The following DIS3L variants were observed in gnomAD, a reference collection of about 807,000 sequenced individuals.
DIS3L encodes DIS3-like exonuclease 1.
A neutral mutation model predicts 120.3 loss-of-function variants in DIS3L; 100 were observed. The observed-to-expected ratio is 0.83, with a 90% CI of 0.71 to 0.98. The LOEUF (loss-of-function observed/expected upper bound fraction) is 0.98, where lower values mean the gene tolerates loss of function less well. DIS3L is among the 50% of genes least tolerant of loss of function. The probability of loss-of-function intolerance (pLI) is 0.00; values close to 1 mark genes in which losing one functional copy is unlikely to be tolerated. For synonymous variants in DIS3L, 426 were observed against 470.6 expected (o/e 0.91, Z 1.23); for missense variants, 1,196 against 1,314.2 (o/e 0.91, Z 1.39).
chr15:66,305,073 T>C (rs1218957342), intron 2 of DIS3L, among the ~76,000 whole-genome samples: 1 of 140,578 alleles, frequency 7.1e-6, no homozygotes, highest in African/African-American at 2.7e-5. Context: ...TGATCTCGGC[T>C]CACTGCAAGC....
chr15:66,293,533 T>A (rs139096215), upstream of DIS3L: 5,223 of 1,329,002 alleles, frequency 3.9e-3, 177 homozygotes, highest in African/African-American at 0.071. Flanking sequence ...GAGGGGCGGG[T>A]CCGAGGCCGC....
Position 66,333,383 on chromosome 15 carries a change from T to G in DIS3L, c.*71T>G. 6.9e-7 allele frequency: 1 copy of G among 1,458,170 alleles called. No individual in the cohort carries two copies. The highest frequency in any genetic ancestry group is 9.3e-7 in the Non-Finnish European group (1 of 1,079,906). 90.3% of individuals were successfully genotyped at this position (1,458,170 alleles called of 1,614,324 possible). ...GTCTTTTCAAACTTAACATTTAATGTGTGTCACTCAGTGCTCTAGTCGATC... is the reference window on the plus strand; with the variant it reads ...GTCTTTTCAAACTTAACATTTAATGGGTGTCACTCAGTGCTCTAGTCGATC... On this transcript the variant is annotated 3_prime_UTR_variant, in exon 17 of 17. Coordinates refer to ENST00000319212, the MANE Select transcript of DIS3L (RefSeq NM_001143688.3).
At chr15:66,314,897 G>A (rs1008579850) in intron 6 of DIS3L, 139 bp from the exon 7 acceptor site, 4 of 866,976 alleles carry the variant, frequency 4.6e-6, no homozygotes, top group African/African-American at 3.4e-5. Flanking sequence ...CAGAACAAAA[G>A]TTTGACTCTA....
At chr15:66,298,878 C>T (rs970884007) in intron 2 of DIS3L, among the ~76,000 whole-genome samples, 11 of 152,158 alleles carry the variant, frequency 7.2e-5, no homozygotes, top group Non-Finnish European at 8.8e-5. Flanking sequence ...GGTACAGTGG[C>T]GAACCAAAGC....
In DIS3L at chr15:66,318,444, C is replaced by G; in HGVS notation, c.995-5C>G. ...AATGCCTTGTTTTGTTTTGTTTTGC[C>G]AAAGGTCGAGTGGTGGGCATACTTC... On this transcript the variant is annotated splice_region_variant and splice_polypyrimidine_tract_variant and intron_variant, in intron 7 of 16. Transcript: ENST00000319212. 6.2e-7 allele frequency: 1 copy of G among 1,611,468 alleles called. No homozygotes were observed. Among genetic ancestry groups the G allele is most frequent in the African/African-American group, 1.3e-5 (1 of 74,840 alleles).
intron 2 of DIS3L, among the ~76,000 whole-genome samples, chr15:66,304,029 G>T (rs1020517613): frequency 2.2e-4 from 30 of 138,612 alleles, no homozygotes; most frequent in African/African-American, 7.8e-4. Flanking sequence ...GGTGGAGCTT[G>T]CAGTGAGCCG....
chr15:66,299,660 G>C (rs1255216362), intron 2 of DIS3L, among the ~76,000 whole-genome samples: 1 of 152,094 alleles, frequency 6.6e-6, no homozygotes, highest in African/African-American at 2.4e-5. Flanking sequence ...TAGAGATAGA[G>C]AGAAATAGAT....
rs1296450230 is a variant in DIS3L, at chr15:66,293,693, T to A, written c.97T>A (p.Cys33Ser). 1.4e-6 allele frequency: 2 copies of A among 1,384,298 alleles called. No individual in the cohort carries two copies. The highest frequency in any genetic ancestry group is 1.9e-6 in the Non-Finnish European group (2 of 1,062,802). The allele number at this position is 1,384,298 out of a possible 1,614,324, so 85.8% of individuals were successfully genotyped here. A position where few individuals can be genotyped will look rare whatever the true frequency, so the allele number is the denominator to read the frequency against. The change falls in exon 1 of 17, where the codon TGC becomes AGC. Residue 33 changes from cysteine (C) to serine (S), a missense_variant. By Grantham distance (112) the Cys-to-Ser change is moderately radical (BLOSUM62 -1). Transcript: ENST00000319212. ...REHYLRPCVP[C>S]HSPLCPQPAA... Reference sequence around the variant, plus strand: ...GCACTACCTGCGGCCCTGCGTGCCCTGCCACAGCCCGCTCTGCCCGCAGCC... The same window carrying A: ...GCACTACCTGCGGCCCTGCGTGCCCAGCCACAGCCCGCTCTGCCCGCAGCC...
At chr15:66,308,149 G>A (rs1006321063) in intron 3 of DIS3L, among the ~76,000 whole-genome samples, 10 of 152,160 alleles carry the variant, frequency 6.6e-5, no homozygotes, top group African/African-American at 1.2e-4. Context: ...CAGCCTGGGC[G>A]ACAGAGTAAG....
At position 66,312,068 on chromosome 15, in the gene DIS3L, G is replaced by A. The variant is rs139741471; in HGVS notation, c.735+168G>A. ...GAAAAAATTTAAAAATTAGCCAGGC[G>A]TGGTAGTGTGCACCTGTACTCCCAG... is the stretch of plus-strand genomic sequence containing the variant. On this transcript the variant is annotated intron_variant, in intron 5 of 16. Coordinates refer to ENST00000319212, the MANE Select transcript of DIS3L (RefSeq NM_001143688.3). Among the ~76,000 whole-genome samples, 583 of 152,124 alleles carry A rather than the reference G, an allele frequency of 3.8e-3. 5 individuals carry two copies. The highest frequency in any genetic ancestry group is 0.013 in the African/African-American group (554 of 41,486).
chr15:66,307,094 C>A, intron 3 of DIS3L, 142 bp downstream of exon 3: 1 of 1,093,930 alleles, frequency 9.1e-7, no homozygotes. Flanking sequence ...GAAATGCTTA[C>A]CATGTCAATA....
chr15:66,332,138 A>G (rs1260684015), intron 15 of DIS3L, 118 bp downstream of exon 15: 12 of 1,031,032 alleles, frequency 1.2e-5, no homozygotes, highest in Non-Finnish European at 1.6e-5. Flanking sequence ...ATATGTACAT[A>G]ATGTAATGTA....
chr15:66,293,315 C>A, upstream of DIS3L: 1 of 315,054 alleles, frequency 3.2e-6, no homozygotes, highest in Non-Finnish European at 5.1e-6. Flanking sequence ...CTGCGCCCAG[C>A]CCTTCTTCAC....
At position 66,325,812 on chromosome 15, in the gene DIS3L, A is replaced by G. The variant is rs773719401; in HGVS notation, c.1668-19A>G. 7 of 1,571,282 alleles carry G rather than the reference A, an allele frequency of 4.5e-6. No homozygotes were observed. The highest frequency in any genetic ancestry group is 3.5e-6 in the Non-Finnish European group (4 of 1,156,890). On this transcript the variant is annotated intron_variant, in intron 11 of 16. Coordinates refer to ENST00000319212, the MANE Select transcript of DIS3L (RefSeq NM_001143688.3). ...GATGAATTTGAATAGTGATGTTGTC[A>G]ATGTTACTGTTTTTGTAGGTATGCT...
rs765436009 is a variant in DIS3L, at chr15:66,311,858, G to A, written c.693G>A (p.Leu231=). Residue 231 remains leucine (L), a synonymous_variant, in exon 5 of 17, where the codon CTG becomes CTA. Transcript: ENST00000319212. ...AGGAGTACCCAGAACATCTTCCCCTGGAAGTGTTAGAAGCTGGGATTAAAT... is the reference window on the plus strand; with the variant it reads ...AGGAGTACCCAGAACATCTTCCCCTAGAAGTGTTAGAAGCTGGGATTAAAT... ...HGKEYPEHLP[L]EVLEAGIKSG... 9.3e-6 allele frequency: 15 copies of A among 1,614,110 alleles called. No individual in the cohort carries two copies. In the South Asian group the frequency reaches 1.5e-4, roughly 17 times the overall value.
At chr15:66,303,936 A>C (rs1045525363) in intron 2 of DIS3L, among the ~76,000 whole-genome samples, 4 of 150,892 alleles carry the variant, frequency 2.7e-5, no homozygotes, top group Non-Finnish European at 5.9e-5. Context: ...TAAAAATACA[A>C]AAAATTAGCC....
intron 14 of DIS3L, chr15:66,330,423 G>A (rs879451297): frequency 5.1e-6 from 5 of 985,124 alleles, no homozygotes; most frequent in Non-Finnish European, 6.0e-6. Context: ...CATATTACTA[G>A]TTGCTACAAG....
rs1288701042 is a variant in DIS3L, at chr15:66,302,131, G to A, written c.294-4693G>A. Among the ~76,000 whole-genome samples the A allele has an allele frequency of 1.3e-5, 2 of 152,132 alleles. 1 individual carries two copies. Among genetic ancestry groups the A allele is most frequent in the East Asian group, 3.9e-4 (2 of 5,192 alleles). On this transcript the variant is annotated intron_variant, in intron 2 of 16. Coordinates refer to ENST00000319212, the MANE Select transcript of DIS3L (RefSeq NM_001143688.3). ...CACGCCCAGCACGTTGGGAGGCCAA[G>A]GCAAGAAGATAGCTTGAGCTCAGGA...
chr15:66,326,586 T>C, intron 12 of DIS3L: 2 of 542,216 alleles, frequency 3.7e-6, no homozygotes, highest in Non-Finnish European at 6.3e-6. Context: ...GTTTTTTGTT[T>C]CAATTTTTTT....
Sources: gnomAD v4.1 joint callset for allele counts (sites outside exome capture counted in the v4.1 genomes callset) on GRCh38, gnomAD v4.1.1 for gene constraint, MANE v1.5 for transcripts, NCBI Gene and HGNC (gene_info 2026-07-23, HGNC 2026-07-21) for gene names.